Variants in PXK observed in about 807,000 individuals in gnomAD.
The protein encoded by PXK is PX domain containing serine/threonine kinase like, also known as PX domain-containing protein kinase-like protein.
Under a neutral mutation model 84.7 loss-of-function variants are expected in PXK, and 35 were observed. The ratio of observed to expected loss-of-function variants is 0.41; its 90% confidence interval spans 0.32 to 0.55. PXK has a LOEUF of 0.55. PXK is among the 20% of genes least tolerant of loss of function. The pLI, the probability that PXK is intolerant of heterozygous loss-of-function variation, is 0.21. For synonymous variants in PXK, 253 were observed against 260.8 expected, an observed-to-expected ratio of 0.97 and a Z score of 0.29; for missense variants, 634 against 699.7, an observed-to-expected ratio of 0.91 and a Z score of 1.06.
chr3:58,340,045 T>A, intron 1 of PXK, among the ~76,000 whole-genome samples: 1 of 151,890 alleles, frequency 6.6e-6, no homozygotes, highest in South Asian at 2.1e-4. Context: ...CTTGAACTCC[T>A]GACCTCAGGT....
intron 9 of PXK, among the ~76,000 whole-genome samples, chr3:58,396,702 C>T (rs2057736578): frequency 6.6e-6 from 1 of 152,226 alleles, no homozygotes; most frequent in African/African-American, 2.4e-5. Flanking sequence ...AGGATCAAGA[C>T]TTTGCCCTGA....
In PXK at chr3:58,399,577, C is replaced by G. The variant is rs986415886; in HGVS notation, c.1181+200C>G. Among the ~76,000 whole-genome samples the G allele has an allele frequency of 4.6e-5, 7 of 152,298 alleles. No homozygotes were observed. The highest frequency in any genetic ancestry group is 1.7e-4 in the African/African-American group (7 of 41,554). The stretch of plus-strand genomic sequence containing the variant: ...TGTGCTCTCCTGGTCTGATGGCTAT[C>G]CTTTAACATCTGTGTCATTTTCACG... On this transcript the variant is annotated intron_variant, in intron 12 of 17. Transcript: ENST00000356151. This position sits in a 1 kb window ranked among gnomAD's most constrained non-coding sequence, Gnocchi z 4.3.
At chr3:58,388,544 A>C (rs1395032248) in intron 4 of PXK, among the ~76,000 whole-genome samples, 1 of 152,336 alleles carries the variant, frequency 6.6e-6, no homozygotes, top group East Asian at 1.9e-4. Context: ...AAGAAGTACA[A>C]AGTTCCCAGT....
chr3:58,395,628 T>G (rs762755267), intron 8 of PXK, 30 bp from the exon 9 acceptor site: 1 of 1,547,096 alleles, frequency 6.5e-7, no homozygotes, highest in East Asian at 2.2e-5. Context: ...CTCTGCTGCT[T>G]TCTTACGTGT....
At chr3:58,393,303 G>A (rs1203423364) in intron 7 of PXK, among the ~76,000 whole-genome samples, 1 of 151,992 alleles carries the variant, frequency 6.6e-6, no homozygotes, top group African/African-American at 2.4e-5. Context: ...AGCCGAGATC[G>A]TGCCACTGCA....
intron 17 of PXK, among the ~76,000 whole-genome samples, chr3:58,415,894 A>C (rs1390142259): frequency 6.6e-6 from 1 of 152,214 alleles, no homozygotes; most frequent in Non-Finnish European, 1.5e-5. Flanking sequence ...TTTAAGCTTA[A>C]AAGGGCGGGA....
chr3:58,371,050 TA>T (rs1190578690), intron 3 of PXK, among the ~76,000 whole-genome samples: 5 of 152,336 alleles, frequency 3.3e-5, no homozygotes, highest in African/African-American at 1.2e-4. Flanking sequence ...GCCCACACTT[TA>T]ACATTATTTA....
Position 58,385,290 on chromosome 3 carries a change from CAG to C in PXK, c.388+2596_388+2597del, listed in dbSNP as rs1217723214. Among the ~76,000 whole-genome samples, 2 of 152,188 alleles carry C rather than the reference CAG, an allele frequency of 1.3e-5. No homozygotes were observed. The highest frequency in any genetic ancestry group is 4.8e-5 in the African/African-American group (2 of 41,444). ...AACAATAGGTGATGGATGCTGTTTT[CAG>C]AGAGATGTTGATTTATTTCACCCTT... On this transcript the variant is annotated intron_variant, in intron 4 of 17. Coordinates refer to ENST00000356151, the MANE Select transcript of PXK (RefSeq NM_017771.5). This position sits in a 1 kb window ranked among gnomAD's most constrained non-coding sequence, Gnocchi z 5.1.
chr3:58,422,442 G>A, intron 17 of PXK: 1 of 985,420 alleles, frequency 1.0e-6, no homozygotes, highest in Non-Finnish European at 1.2e-6. Context: ...GGGAGATCCT[G>A]CTGCCTGTCC....
intron 16 of PXK, 75 bp downstream of exon 16, chr3:58,410,234 C>G: frequency 8.9e-7 from 1 of 1,122,468 alleles, no homozygotes; most frequent in Non-Finnish European, 1.3e-6. Context: ...GTCAAGAGGT[C>G]TTGAGTTCTG....
chr3:58,362,173 A>T (rs1258231374), intron 1 of PXK, among the ~76,000 whole-genome samples: 3 of 152,170 alleles, frequency 2.0e-5, no homozygotes, highest in East Asian at 1.9e-4. Context: ...TTGGATTTTT[A>T]AAAAATGTTT....
chr3:58,341,395 C>T (rs1272495597), intron 1 of PXK, among the ~76,000 whole-genome samples: 1 of 152,012 alleles, frequency 6.6e-6, no homozygotes, highest in East Asian at 1.9e-4. Context: ...AACCCTGTCG[C>T]TACTAAAAGT....
intron 1 of PXK, among the ~76,000 whole-genome samples, chr3:58,334,277 G>T (rs995247895): frequency 1.1e-4 from 17 of 152,118 alleles, no homozygotes; most frequent in African/African-American, 4.1e-4. Context: ...TTCCAGTTAA[G>T]AAAATTATTA....
At chr3:58,343,329 G>T (rs1168026971) in intron 1 of PXK, among the ~76,000 whole-genome samples, 2 of 152,226 alleles carry the variant, frequency 1.3e-5, no homozygotes, top group African/African-American at 4.8e-5. Context: ...GCATCAGGCA[G>T]CATCAAGCAC....
At position 58,390,579 on chromosome 3, in the gene PXK, C is replaced by G; in HGVS notation, c.389-3C>G. 3.7e-6 allele frequency: 6 copies of G among 1,611,790 alleles called. No individual in the cohort carries two copies. Among genetic ancestry groups the G allele is most frequent in the Non-Finnish European group, 5.1e-6 (6 of 1,178,652 alleles). ...CTAATGGGTTTCTAAAATGTCTTTG[C>G]AGAGATTGCCTTGCAACAGGTTTCC... On this transcript the variant is annotated splice_region_variant and splice_polypyrimidine_tract_variant and intron_variant, in intron 4 of 17. Transcript: ENST00000356151. The surrounding 1 kb of genome is among the most constrained non-coding windows in gnomAD (Gnocchi z 4.2).
chr3:58,349,323 A>G (rs543631669), intron 1 of PXK, among the ~76,000 whole-genome samples: 1 of 151,566 alleles, frequency 6.6e-6, no homozygotes, highest in South Asian at 2.1e-4. Context: ...GTCATAACAC[A>G]CTATGTTTAG....
chr3:58,388,559 A>C (rs1294766437), intron 4 of PXK, among the ~76,000 whole-genome samples: 1 of 152,232 alleles, frequency 6.6e-6, no homozygotes, highest in East Asian at 1.9e-4. Context: ...CCCAGTGTTG[A>C]TAATGAAAGT....
In PXK at chr3:58,340,848, T is replaced by C. The variant is rs184772544; in HGVS notation, c.102+7758T>C. 5.9e-5 allele frequency among the ~76,000 whole-genome samples: 9 copies of C among 152,248 alleles called. No homozygotes were observed. The South Asian group carries it at 1.7e-3, about 28-fold the overall frequency. ...TGCTAGAGATTTTGGGGTAGCGTCA[T>C]AGGAAATGAATCTCCTTTATGTTCC... On this transcript the variant is annotated intron_variant, in intron 1 of 17. Transcript: ENST00000356151.
intron 1 of PXK, among the ~76,000 whole-genome samples, chr3:58,351,395 TTGTGTGTGTGTGTGTGTG>T (rs57349140): frequency 7.1e-6 from 1 of 140,582 alleles, no homozygotes; most frequent in African/African-American, 2.7e-5. Flanking sequence ...AGCTAGCTAT[TTGTGTGTGTGTGTGTGTG>T]TGTGTGTGTG....
Sources: allele counts gnomAD v4.1 joint callset (sites outside exome capture counted in the v4.1 genomes callset), GRCh38; gene constraint gnomAD v4.1.1; non-coding constraint Gnocchi (gnomAD v3.1); transcripts MANE v1.5; gene names NCBI Gene and HGNC (gene_info 2026-07-23, HGNC 2026-07-21).